Variants in PPP2R2C observed in about 807,000 individuals in gnomAD.
PPP2R2C encodes protein phosphatase 2, regulatory subunit B, gamma.
A neutral mutation model predicts 45.3 loss-of-function variants in PPP2R2C; 10 were observed. That is an observed-to-expected ratio of 0.22 (90% CI 0.14 to 0.37). The LOEUF is 0.37. Among genes scored for constraint, PPP2R2C ranks in the 10% least tolerant of loss-of-function variants. The pLI is 1.00. For missense variants in PPP2R2C, 308 were observed against 619.7 expected, an observed-to-expected ratio of 0.50 and a Z score of 5.34; for synonymous variants, 257 against 245.4, an observed-to-expected ratio of 1.05 and a Z score of -0.44.
intron 1 of PPP2R2C, among the ~76,000 whole-genome samples, chr4:6,537,236 A>T (rs1280138154): frequency 6.6e-6 from 1 of 152,166 alleles, no homozygotes; most frequent in African/African-American, 2.4e-5. Context: ...CAAAGGGGAA[A>T]AAATCAAGGT....
intron 3 of PPP2R2C, among the ~76,000 whole-genome samples, chr4:6,376,510 T>A (rs1715316217): frequency 6.6e-6 from 1 of 152,022 alleles, no homozygotes; most frequent in Non-Finnish European, 1.5e-5. Context: ...TGGAGTGCAG[T>A]GGCACCATCT....
At chr4:6,528,801 C>T (rs1461624586) in intron 2 of PPP2R2C, among the ~76,000 whole-genome samples, 1 of 152,198 alleles carries the variant, frequency 6.6e-6, no homozygotes, top group Admixed American at 6.5e-5. Flanking sequence ...AGCTCCCCTA[C>T]TGAGCACCTT....
rs1714049501 is a variant in PPP2R2C, at chr4:6,364,003, T to G, written c.625+8520A>C. Among the ~76,000 whole-genome samples the G allele has an allele frequency of 6.6e-6, 1 of 152,160 alleles. No homozygotes were observed. The highest frequency in any genetic ancestry group is 2.4e-5 in the African/African-American group (1 of 41,446). On this transcript the variant is annotated intron_variant, in intron 5 of 8. Transcript: ENST00000382599. This position sits in a 1 kb window ranked among gnomAD's most constrained non-coding sequence, Gnocchi z 5.3. ...CACTGTATTACACTAGTTCCATTAT[T>G]TGAGCATCTACTCTGGACCAGGCAT...
chr4:6,441,137 G>A (rs566146056), intron 1 of PPP2R2C, among the ~76,000 whole-genome samples: 2 of 152,228 alleles, frequency 1.3e-5, no homozygotes, highest in East Asian at 3.9e-4. Flanking sequence ...AGGAAAAGGG[G>A]GTTCCAGCAG....
At chr4:6,505,628 G>C (rs1169221129) in intron 2 of PPP2R2C, among the ~76,000 whole-genome samples, 5 of 152,196 alleles carry the variant, frequency 3.3e-5, no homozygotes, top group Admixed American at 1.3e-4. Flanking sequence ...TGCAGAGATA[G>C]AGATTTAAAA....
chr4:6,512,245 G>T (rs1221915413), intron 2 of PPP2R2C, among the ~76,000 whole-genome samples: 1 of 74,564 alleles, frequency 1.3e-5, no homozygotes, highest in Non-Finnish European at 2.7e-5. Flanking sequence ...GGTGGGGGTG[G>T]TGGTGGTGAT....
chr4:6,383,929 C>G (rs1487070494), intron 1 of PPP2R2C: 15 of 986,076 alleles, frequency 1.5e-5, no homozygotes, highest in Admixed American at 6.1e-5. Flanking sequence ...AGCTTTGAGG[C>G]AACAGAAAAG....
At chr4:6,354,421 T>C (rs1712950099) in intron 5 of PPP2R2C, among the ~76,000 whole-genome samples, 1 of 152,092 alleles carries the variant, frequency 6.6e-6, no homozygotes, top group Non-Finnish European at 1.5e-5. Context: ...CATTGTGCTG[T>C]GTATGTGACC....
chr4:6,468,120 T>C (rs148355298), intron 1 of PPP2R2C, among the ~76,000 whole-genome samples: 1,717 of 152,332 alleles, frequency 0.011, 31 homozygotes, highest in African/African-American at 0.038. Context: ...GGAGATCAGC[T>C]GCAACGTCCA....
intron 1 of PPP2R2C, among the ~76,000 whole-genome samples, chr4:6,405,814 G>C (rs1717759853): frequency 6.6e-6 from 1 of 152,202 alleles, no homozygotes; most frequent in South Asian, 2.1e-4. Context: ...CCACGGACAA[G>C]CGTGGCCATG....
intron 1 of PPP2R2C, chr4:6,382,065 C>A (rs4688999): frequency 0.48 from 666,948 of 1,391,052 alleles, 165,776 homozygotes; most frequent in East Asian, 0.67. Flanking sequence ...GCTCCACCAA[C>A]AAGTTTTACT....
intron 2 of PPP2R2C, among the ~76,000 whole-genome samples, chr4:6,502,218 C>T (rs1483256339): frequency 6.6e-6 from 1 of 152,212 alleles, no homozygotes; most frequent in African/African-American, 2.4e-5. Flanking sequence ...GGGAGCTATG[C>T]TTCTTGGTCA....
chr4:6,382,770 C>G (rs1715943554), intron 1 of PPP2R2C: 1 of 754,360 alleles, frequency 1.3e-6, no homozygotes, highest in Non-Finnish European at 1.8e-6. Context: ...ATGCCAGCCA[C>G]TCTCCCACCT....
rs113743310 is a variant in PPP2R2C, at chr4:6,400,834, C to T, written c.71-19740G>A. Among the ~76,000 whole-genome samples, 717 of 152,318 alleles carry T rather than the reference C, an allele frequency of 4.7e-3. 5 individuals are homozygous for T. Among genetic ancestry groups the T allele is most frequent in the African/African-American group, 0.016 (673 of 41,578 alleles). Reference sequence around the variant, plus strand: ...TCTCAGAAATGAACTGAAGCCGTTGCTAGCTTGCTGGCTGGCTCCTCAAAC... The same window carrying T: ...TCTCAGAAATGAACTGAAGCCGTTGTTAGCTTGCTGGCTGGCTCCTCAAAC... On this transcript the variant is annotated intron_variant, in intron 1 of 8. Transcript: ENST00000382599.
At chr4:6,464,888 CAG>C (rs1222492027) in intron 1 of PPP2R2C, among the ~76,000 whole-genome samples, 7 of 117,626 alleles carry the variant, frequency 6.0e-5, no homozygotes, top group Admixed American at 1.3e-4. Context: ...GGGGGAGAGA[CAG>C]AGAGAGAGAG....
At position 6,471,129 on chromosome 4, in the gene PPP2R2C, G is replaced by A. The variant is rs1476757161; in HGVS notation, c.70+1031C>T. On this transcript the variant is annotated intron_variant, in intron 1 of 8. Transcript: ENST00000382599. The surrounding 1 kb of genome is among the most constrained non-coding windows in gnomAD (Gnocchi z 5.6). ...ACAGGCACCCACGCGCACCTGCCCCGCGGGACCCGTGCCCAGGGCCCCTCC... is the reference window on the plus strand; with the variant it reads ...ACAGGCACCCACGCGCACCTGCCCCACGGGACCCGTGCCCAGGGCCCCTCC... Among the ~76,000 whole-genome samples the A allele has an allele frequency of 2.0e-5, 3 of 152,158 alleles. No homozygotes were observed. Among genetic ancestry groups the A allele is most frequent in the Non-Finnish European group, 2.9e-5 (2 of 68,010 alleles).
chr4:6,394,398 C>G (rs1716876438), intron 1 of PPP2R2C, among the ~76,000 whole-genome samples: 1 of 152,218 alleles, frequency 6.6e-6, no homozygotes, highest in African/African-American at 2.4e-5. Flanking sequence ...ATTATTGCTA[C>G]TATGTACCCA....
At chr4:6,527,020 T>C (rs904662144) in intron 2 of PPP2R2C, among the ~76,000 whole-genome samples, 4 of 152,120 alleles carry the variant, frequency 2.6e-5, no homozygotes, top group Non-Finnish European at 4.4e-5. Context: ...CAACCACGGC[T>C]TCAATGCGGA....
At chr4:6,387,968 A>T (rs577815832) in intron 1 of PPP2R2C, among the ~76,000 whole-genome samples, 14 of 152,346 alleles carry the variant, frequency 9.2e-5, no homozygotes, top group Admixed American at 2.6e-4. Flanking sequence ...CCTAAGTGGC[A>T]GGGCCTTTGG....
Sources: gnomAD v4.1 joint callset for allele counts (sites outside exome capture counted in the v4.1 genomes callset) on GRCh38, gnomAD v4.1.1 for gene constraint, Gnocchi (gnomAD v3.1) non-coding constraint, MANE v1.5 for transcripts, NCBI Gene and HGNC (gene_info 2026-07-23, HGNC 2026-07-21) for gene names.